Variants in CARD8 observed in about 807,000 individuals in gnomAD.
The protein encoded by CARD8 is caspase recruitment domain-containing protein 8.
In CARD8, 38 loss-of-function variants were observed where a neutral mutation model predicts 53.2. The observed-to-expected ratio is 0.71, with a 90% CI of 0.55 to 0.94. The LOEUF (loss-of-function observed/expected upper bound fraction) is 0.94. CARD8 is among the 40% of genes least tolerant of loss of function. CARD8 has a pLI of 0.00. For synonymous variants in CARD8, 245 were observed against 244.9 expected (o/e 1.00, Z 0.00); for missense variants, 561 against 655.5 (o/e 0.86, Z 1.57).
chr19:48,221,889 C>A, intron 10 of CARD8, 34 bp from the exon 11 acceptor site: 1 of 1,532,722 alleles, frequency 6.5e-7, no homozygotes, highest in Non-Finnish European at 8.8e-7. Flanking sequence ...TTAGAGAGCA[C>A]AAAAAATAGT....
chr19:48,215,221 T>C, intron 13 of CARD8, 119 bp downstream of exon 13: 1 of 714,608 alleles, frequency 1.4e-6, no homozygotes, highest in African/African-American at 1.8e-5. Context: ...TGCAGACCTA[T>C]ACGGATTTGC....
At chr19:48,214,769 C>CTTTTTTTTTTTTTTT (rs531199248) in intron 13 of CARD8, among the ~76,000 whole-genome samples, 7 of 89,564 alleles carry the variant, frequency 7.8e-5, no homozygotes, top group Admixed American at 3.0e-4. Flanking sequence ...TGCTATAAAG[C>CTTTTTTTTTTTTTTT]TTTTTTTTTT....
chr19:48,220,843 G>A (rs568312158), intron 11 of CARD8, among the ~76,000 whole-genome samples: 10 of 151,828 alleles, frequency 6.6e-5, no homozygotes, highest in African/African-American at 1.9e-4. Context: ...CCTGGGAGGC[G>A]GCGGTTGTAG....
intron 3 of CARD8, among the ~76,000 whole-genome samples, chr19:48,248,511 G>A (rs2046469082): frequency 6.6e-6 from 1 of 152,168 alleles, no homozygotes; most frequent in South Asian, 2.1e-4. Flanking sequence ...TAGTAATCAG[G>A]GGAATGTGCA....
intron 11 of CARD8, among the ~76,000 whole-genome samples, chr19:48,221,018 A>AAGAAAGAG (rs2040526236): frequency 6.8e-6 from 1 of 147,140 alleles, no homozygotes; most frequent in Non-Finnish European, 1.5e-5. Context: ...AAAAGAAAGA[A>AAGAAAGAG]AGAAAGAGAG....
At position 48,210,031 on chromosome 19, in the gene CARD8, C is replaced by G. The variant is rs1400054709; in HGVS notation, c.*1679G>C. 6.6e-6 allele frequency: 1 copy of G among 152,046 alleles called. No individual in the cohort carries two copies. Among genetic ancestry groups the G allele is most frequent in the East Asian group, 1.9e-4 (1 of 5,198 alleles). The allele number at this position is 152,046 out of a possible 1,614,324, so 9.4% of individuals were successfully genotyped here. ...AAAACTGCAAATTTATGAATTGGAG[C>G]AAATTCCAAAGGGAATAAAACAAGG... On this transcript the variant is annotated 3_prime_UTR_variant, in exon 14 of 14. Transcript: ENST00000651546.
intron 12 of CARD8, 111 bp from the exon 13 acceptor site, chr19:48,215,495 A>G (rs1289461652): frequency 1.4e-6 from 1 of 738,018 alleles, no homozygotes; most frequent in African/African-American, 1.8e-5. Context: ...TACATATGTC[A>G]TAAGGCTCTT....
At chr19:48,233,019 C>T (rs1292169369) in intron 6 of CARD8, 1 of 354,820 alleles carries the variant, frequency 2.8e-6, no homozygotes, top group East Asian at 7.4e-5. Flanking sequence ...TTCACCAATG[C>T]GTAAAATGTA....
downstream of CARD8, chr19:48,204,144 G>T (rs3745717): frequency 0.34 from 152,466 of 454,646 alleles, 26,582 homozygotes; most frequent in East Asian, 0.54. Flanking sequence ...GCAGTCTCTG[G>T]GTGAGGAGGC....
intron 13 of CARD8, among the ~76,000 whole-genome samples, chr19:48,214,904 T>C (rs2038939659): frequency 6.9e-6 from 1 of 144,874 alleles, no homozygotes; most frequent in African/African-American, 2.6e-5. Flanking sequence ...TTCTCCTGCC[T>C]CAGCCTCCCG....
At position 48,232,513 on chromosome 19, in the gene CARD8, T is replaced by A. The variant is rs1217031485; in HGVS notation, c.351-20A>T. 1.2e-5 allele frequency: 19 copies of A among 1,534,018 alleles called. 1 individual carries two copies. In the East Asian group the frequency reaches 4.6e-4, roughly 37 times the overall value. ...GATACACTGGAGGTTGGGATCCCCA[T>A]GTTACAAAAAGATGAAAAACATCAA... On this transcript the variant is annotated intron_variant, in intron 6 of 13. Coordinates refer to ENST00000651546, the MANE Select transcript of CARD8 (RefSeq NM_001184900.3).
intron 10 of CARD8, among the ~76,000 whole-genome samples, chr19:48,226,547 G>T (rs1394360827): frequency 6.6e-6 from 1 of 152,128 alleles, no homozygotes; most frequent in Non-Finnish European, 1.5e-5. Context: ...TTAGGTTCAA[G>T]AAGTACATGT....
downstream of CARD8, among the ~76,000 whole-genome samples, chr19:48,205,070 G>A (rs996967750): frequency 1.3e-5 from 2 of 152,178 alleles, no homozygotes; most frequent in South Asian, 4.1e-4. Context: ...GGGGAAACAG[G>A]TATTATAGAG....
chr19:48,221,217 C>T (rs927120258), intron 11 of CARD8, among the ~76,000 whole-genome samples: 1 of 152,000 alleles, frequency 6.6e-6, no homozygotes, highest in Non-Finnish European at 1.5e-5. Flanking sequence ...AAATTACATG[C>T]GACTAAATGT....
chr19:48,241,160 T>C (rs772687695), intron 3 of CARD8, 97 bp from the exon 4 acceptor site: 8 of 681,954 alleles, frequency 1.2e-5, no homozygotes, highest in Middle Eastern at 3.5e-4. Context: ...AAAGCGCTTA[T>C]TGCTCATTCA....
At chr19:48,241,946 C>T (rs896485688) in intron 3 of CARD8, among the ~76,000 whole-genome samples, 5 of 152,224 alleles carry the variant, frequency 3.3e-5, no homozygotes, top group Non-Finnish European at 2.9e-5. Context: ...TTTAGGACAG[C>T]GTCATCACCT....
In CARD8 at chr19:48,243,235, G is replaced by T. The variant is rs563529591; in HGVS notation, c.-43-2172C>A. On this transcript the variant is annotated intron_variant, in intron 3 of 13. Coordinates refer to ENST00000651546, the MANE Select transcript of CARD8 (RefSeq NM_001184900.3). ...TCACCGTGTTAGCCAGGATGGTCTC[G>T]ATCTCCTGACCTGGTGATCCTCCCG... Among the ~76,000 whole-genome samples the T allele has an allele frequency of 1.0e-3, 154 of 151,960 alleles. 1 individual carries two copies. The highest frequency in any genetic ancestry group is 1.8e-3 in the Non-Finnish European group (123 of 67,974).
intron 10 of CARD8, chr19:48,223,655 AATCCAT>A (rs2041145817): frequency 3.3e-6 from 1 of 305,008 alleles, no homozygotes; most frequent in Admixed American, 4.4e-5. Context: ...TCACCAAATA[AATCCAT>A]ATCACATTGC....
At chr19:48,237,562 T>C (rs561325301) in intron 5 of CARD8, among the ~76,000 whole-genome samples, 20 of 152,070 alleles carry the variant, frequency 1.3e-4, no homozygotes, top group Non-Finnish European at 1.9e-4. Flanking sequence ...TTTGGGAGGC[T>C]GAGGCAGGAG....
Sources: gnomAD v4.1 joint callset for allele counts (sites outside exome capture counted in the v4.1 genomes callset) on GRCh38, gnomAD v4.1.1 for gene constraint, MANE v1.5 for transcripts, NCBI Gene and HGNC (gene_info 2026-07-23, HGNC 2026-07-21) for gene names.